Variants in PCED1B observed in about 807,000 individuals in gnomAD.
PCED1B encodes the protein PC-esterase domain containing 1B.
For synonymous variants in PCED1B, 251 were observed against 246.1 expected (o/e 1.02, Z -0.19); for missense variants, 573 against 573.9 (o/e 1.00, Z 0.02).
intron 3 of PCED1B, among the ~76,000 whole-genome samples, chr12:47,229,800 C>T (rs529357486): frequency 6.6e-6 from 1 of 151,764 alleles, no homozygotes; most frequent in Non-Finnish European, 1.5e-5. Context: ...GATGGAGTCT[C>T]TCTCTGTCAC....
chr12:47,079,772 C>T (rs1487614891), intron 1 of PCED1B, 47 bp downstream of exon 1: 5 of 150,474 alleles, frequency 3.3e-5, no homozygotes, highest in Non-Finnish European at 7.4e-5. Context: ...CGCGGGGCGC[C>T]CCGCTCCCAG....
intron 2 of PCED1B, among the ~76,000 whole-genome samples, chr12:47,124,510 G>GT (rs35428796): frequency 6.1e-4 from 88 of 143,888 alleles, no homozygotes; most frequent in Admixed American, 9.7e-4. Context: ...TATACATGAG[G>GT]TTTTTTTTTT....
At chr12:47,167,609 C>G (rs1941587354) in intron 2 of PCED1B, among the ~76,000 whole-genome samples, 1 of 152,100 alleles carries the variant, frequency 6.6e-6, no homozygotes, top group South Asian at 2.1e-4. Flanking sequence ...AAAAGCAACC[C>G]TACAATGAAG....
In PCED1B at chr12:47,236,362, G is replaced by A; in HGVS notation, c.1299G>A (p.Ter433=). Residue 433 remains the stop codon, a stop_retained_variant, in exon 4 of 4, where the codon TAG becomes TAA. Coordinates refer to ENST00000546455, the MANE Select transcript of PCED1B (RefSeq NM_138371.3). The part of the protein sequence containing the change: ...APANPEPRPQ[*] ...CCAATCCTGAGCCAAGGCCTCAATA[G>A]ACGGACCTAGGCCTTATTTCCTCTT... 1.3e-6 allele frequency: 2 copies of A among 1,578,082 alleles called. No individual in the cohort carries two copies. Among genetic ancestry groups the A allele is most frequent in the Non-Finnish European group, 1.7e-6 (2 of 1,164,364 alleles).
chr12:47,085,745 C>A (rs7979008), intron 1 of PCED1B, among the ~76,000 whole-genome samples: 42,395 of 152,116 alleles, frequency 0.28, 6,310 homozygotes, highest in Middle Eastern at 0.37. Context: ...CATATTTCTT[C>A]TTTTTCCTTA....
intron 2 of PCED1B, among the ~76,000 whole-genome samples, chr12:47,186,878 A>G (rs904228908): frequency 2.0e-5 from 3 of 152,172 alleles, no homozygotes; most frequent in African/African-American, 7.2e-5. Context: ...ATTTCTTTTT[A>G]TATCCTATTG....
intron 2 of PCED1B, among the ~76,000 whole-genome samples, chr12:47,215,075 G>C: frequency 6.6e-6 from 1 of 151,528 alleles, no homozygotes; most frequent in East Asian, 1.9e-4. Context: ...CATGCACTGG[G>C]ACCTTCTGTA....
At chr12:47,135,078 A>G (rs1940294566) in intron 2 of PCED1B, among the ~76,000 whole-genome samples, 1 of 152,148 alleles carries the variant, frequency 6.6e-6, no homozygotes, top group Admixed American at 6.5e-5. Context: ...TTATTTCACC[A>G]ATCTCTACTG....
At chr12:47,089,461 C>CATGTATGTATATATAT (rs1233280547) in intron 1 of PCED1B, among the ~76,000 whole-genome samples, 1 of 63,398 alleles carries the variant, frequency 1.6e-5, no homozygotes, top group Non-Finnish European at 2.9e-5. Flanking sequence ...AAAAAAAATA[C>CATGTATGTATATATAT]ATATATATAT....
chr12:47,173,057 C>T (rs889462125), intron 2 of PCED1B, among the ~76,000 whole-genome samples: 2 of 152,110 alleles, frequency 1.3e-5, no homozygotes, highest in Non-Finnish European at 2.9e-5. Context: ...CTCAAGATTT[C>T]CTTCACACTT....
intron 1 of PCED1B, among the ~76,000 whole-genome samples, chr12:47,086,189 C>T (rs781181660): frequency 6.6e-6 from 1 of 152,118 alleles, no homozygotes; most frequent in African/African-American, 2.4e-5. Flanking sequence ...GTGTGATCAA[C>T]TCACAATAGC....
Position 47,202,128 on chromosome 12 carries a change from C to G in PCED1B, c.-525-14094C>G, listed in dbSNP as rs185159521. On this transcript the variant is annotated intron_variant, in intron 2 of 3. Transcript: ENST00000546455. ...TATCACCTAGAGGATACTTATGAAG[C>G]ATTCAGGCTTCGAGAACCTGATTCT... 2.6e-3 allele frequency among the ~76,000 whole-genome samples: 390 copies of G among 152,258 alleles called. 3 individuals carry two copies. The highest frequency in any genetic ancestry group is 5.2e-3 in the Admixed American group (80 of 15,292).
rs1330057560 is a variant in PCED1B at position 47,213,107 on chromosome 12, C to G, written c.-525-3115C>G. Reference sequence around the variant, plus strand: ...TGGCTTTTCTCAATCTGTAACATCCCAAATCCCAATAAGTATTGCCTTGTT... The same window carrying G: ...TGGCTTTTCTCAATCTGTAACATCCGAAATCCCAATAAGTATTGCCTTGTT... On this transcript the variant is annotated intron_variant, in intron 2 of 3. Coordinates refer to ENST00000546455, the MANE Select transcript of PCED1B (RefSeq NM_138371.3). Among the ~76,000 whole-genome samples the G allele has an allele frequency of 2.0e-5, 3 of 152,132 alleles. No homozygotes were observed. The East Asian group carries it at 5.8e-4, about 29-fold the overall frequency.
chr12:47,098,777 T>G (rs1938583858), intron 1 of PCED1B, among the ~76,000 whole-genome samples: 1 of 152,128 alleles, frequency 6.6e-6, no homozygotes, highest in African/African-American at 2.4e-5. Flanking sequence ...CCACCGCGCC[T>G]GGCCATAATA....
chr12:47,177,888 G>A (rs532727672), intron 2 of PCED1B, among the ~76,000 whole-genome samples: 16 of 152,116 alleles, frequency 1.1e-4, no homozygotes, highest in African/African-American at 3.6e-4. Context: ...TGGAGGTTGC[G>A]GTGAGCCGAG....
chr12:47,217,470 G>GAAAAAGAAAGAGAAAGA (rs1555155044), intron 3 of PCED1B, among the ~76,000 whole-genome samples: 3 of 90,870 alleles, frequency 3.3e-5, no homozygotes, highest in African/African-American at 1.5e-4. Context: ...AAGAAAGAAA[G>GAAAAAGAAAGAGAAAGA]AGAAAGAAAG....
intron 1 of PCED1B, among the ~76,000 whole-genome samples, chr12:47,098,201 G>A (rs1290170236): frequency 6.6e-6 from 1 of 152,182 alleles, no homozygotes; most frequent in Non-Finnish European, 1.5e-5. Flanking sequence ...AATGAGACCA[G>A]GGGTAGACTC....
intron 2 of PCED1B, among the ~76,000 whole-genome samples, chr12:47,186,478 T>G (rs1592255616): frequency 6.6e-6 from 1 of 150,636 alleles, no homozygotes; most frequent in African/African-American, 2.5e-5. Flanking sequence ...GGTAGGGGGG[T>G]AGAGGGGGGC....
rs149537156 is a variant in PCED1B, at chr12:47,217,400, A to C, written c.-58+711A>C. ...GGCAACAGAGTGAGACAAGAAAGAA[A>C]CAGAGAGAGAGAGAGAGACAGAGAA... On this transcript the variant is annotated intron_variant, in intron 3 of 3. Coordinates refer to ENST00000546455, the MANE Select transcript of PCED1B (RefSeq NM_138371.3). Among the ~76,000 whole-genome samples the C allele has an allele frequency of 4.7e-3, 316 of 66,980 alleles. 3 individuals are homozygous for C. Among genetic ancestry groups the C allele is most frequent in the African/African-American group, 0.037 (198 of 5,302 alleles). 43.9% of individuals were successfully genotyped at this position (66,980 alleles called of 152,430 possible).
Sources: allele counts gnomAD v4.1 joint callset (sites outside exome capture counted in the v4.1 genomes callset), GRCh38; gene constraint gnomAD v4.1.1; transcripts MANE v1.5; gene names NCBI Gene and HGNC (gene_info 2026-07-23, HGNC 2026-07-21).